MARCHF6: variants seen among roughly 807,000 people sequenced by gnomAD.
MARCHF6 encodes membrane associated ring-CH-type finger 6.
In MARCHF6, 31 loss-of-function variants were observed where a neutral mutation model predicts 133.7. That is an observed-to-expected ratio of 0.23 (90% CI 0.17 to 0.31). MARCHF6 has a LOEUF of 0.31. Ranked by LOEUF, MARCHF6 falls within the 10% of genes least tolerant of loss-of-function variation. MARCHF6 has a pLI of 1.00. For synonymous variants in MARCHF6, 395 were observed against 402.5 expected (o/e 0.98, Z 0.22); for missense variants, 723 against 1,121.6 (o/e 0.64, Z 5.08).
intron 17 of MARCHF6, among the ~76,000 whole-genome samples, chr5:10,407,793 A>G (rs1301737794): frequency 6.6e-6 from 1 of 152,176 alleles, no homozygotes; most frequent in Non-Finnish European, 1.5e-5. Flanking sequence ...GTCTCTACTA[A>G]AAATACAAAA....
Position 10,439,240 on chromosome 5 carries a change from A to C in MARCHF6, c.*5556A>C, listed in dbSNP as rs916121066. On this transcript the variant is annotated 3_prime_UTR_variant, in exon 26 of 26. Coordinates refer to ENST00000274140, the MANE Select transcript of MARCHF6 (RefSeq NM_005885.4). ...GGTCTTGAAAAAATGATGCTGGAAT[A>C]ATTGGGCATCAGATGCAAAATTAAA... 1.3e-5 allele frequency: 2 copies of C among 152,250 alleles called. No individual in the cohort carries two copies. Among genetic ancestry groups the C allele is most frequent in the African/African-American group, 4.8e-5 (2 of 41,462 alleles). 9.4% of individuals were successfully genotyped at this position (152,250 alleles called of 1,614,324 possible). A position where few individuals can be genotyped will look rare whatever the true frequency, so the allele number is the denominator to read the frequency against.
At chr5:10,400,726 T>C (rs1354010255) in intron 10 of MARCHF6, 58 bp from the exon 11 acceptor site, 1 of 1,219,952 alleles carries the variant, frequency 8.2e-7, no homozygotes, top group Non-Finnish European at 1.2e-6. Context: ...GGAATTGTAG[T>C]AGGAGTGTTC....
intron 1 of MARCHF6, among the ~76,000 whole-genome samples, chr5:10,365,227 T>A (rs1736069432): frequency 6.6e-6 from 1 of 152,226 alleles, no homozygotes; most frequent in African/African-American, 2.4e-5. Context: ...GGTGAATTTT[T>A]AATTTAGTAA....
At chr5:10,370,826 C>T (rs1009011738) in intron 1 of MARCHF6, among the ~76,000 whole-genome samples, 4 of 152,120 alleles carry the variant, frequency 2.6e-5, no homozygotes, top group African/African-American at 9.7e-5. Context: ...AGCTGCTGTA[C>T]TACCTGGTTA....
intron 4 of MARCHF6, among the ~76,000 whole-genome samples, chr5:10,384,375 C>G (rs964601964): frequency 2.6e-5 from 4 of 151,682 alleles, no homozygotes; most frequent in African/African-American, 9.7e-5. Context: ...TTTGCAGTAC[C>G]CATAGCCAAC....
intron 16 of MARCHF6, among the ~76,000 whole-genome samples, chr5:10,406,209 GA>G (rs1242855023): frequency 6.6e-6 from 1 of 152,152 alleles, no homozygotes; most frequent in Non-Finnish European, 1.5e-5. Flanking sequence ...ACTGGTCCCT[GA>G]TGCCAAAATG....
intron 16 of MARCHF6, among the ~76,000 whole-genome samples, chr5:10,406,578 C>T (rs970865240): frequency 2.6e-5 from 4 of 151,848 alleles, no homozygotes; most frequent in Non-Finnish European, 5.9e-5. Context: ...TTAGTAGATG[C>T]GGGGTTTCAC....
rs1740478544 is a variant in MARCHF6 at position 10,433,758 on chromosome 5, C to G, written c.*74C>G. 4.1e-6 allele frequency: 5 copies of G among 1,205,296 alleles called. No individual in the cohort carries two copies. The East Asian group carries it at 7.0e-5, about 17-fold the overall frequency. The allele number at this position is 1,205,296 out of a possible 1,614,324, so 74.7% of individuals were successfully genotyped here. The stretch of plus-strand genomic sequence containing the variant: ...TGGACTTCTCTCTTTGGAGATTTTT[C>G]CCAGTGATCTCTCAGCGTTGTTTTT... On this transcript the variant is annotated 3_prime_UTR_variant, in exon 26 of 26. Transcript: ENST00000274140.
At chr5:10,408,027 C>T (rs996746562) in intron 17 of MARCHF6, among the ~76,000 whole-genome samples, 2 of 146,936 alleles carry the variant, frequency 1.4e-5, no homozygotes, top group Admixed American at 1.4e-4. Context: ...ATCCTATATG[C>T]TCTTTAGGGA....
At chr5:10,400,699 C>G (rs183584948) in intron 10 of MARCHF6, 85 bp from the exon 11 acceptor site, 1 of 953,870 alleles carries the variant, frequency 1.0e-6, no homozygotes, top group South Asian at 1.3e-5. Flanking sequence ...CCAAGAAGCC[C>G]TAGTTCCTTT....
chr5:10,369,699 A>G (rs895229329), intron 1 of MARCHF6, among the ~76,000 whole-genome samples: 2 of 140,544 alleles, frequency 1.4e-5, no homozygotes, highest in Middle Eastern at 4.2e-3. Flanking sequence ...TTCTGTCCCT[A>G]TCATTCTGCT....
Position 10,400,861 on chromosome 5 carries a change from C to G in MARCHF6, c.972+19C>G. 6.4e-7 allele frequency: 1 copy of G among 1,568,350 alleles called. No homozygotes were observed. The highest frequency in any genetic ancestry group is 8.8e-7 in the Non-Finnish European group (1 of 1,139,022). ...AGAACACGTGAGTATAATACTTTTACAAAGTTACTTTCATTCATTACTCCC... is the reference window on the plus strand; with the variant it reads ...AGAACACGTGAGTATAATACTTTTAGAAAGTTACTTTCATTCATTACTCCC... On this transcript the variant is annotated intron_variant, in intron 11 of 25. Transcript: ENST00000274140.
intron 9 of MARCHF6, 34 bp from the exon 10 acceptor site, chr5:10,397,259 T>A (rs1273888328): frequency 6.8e-7 from 1 of 1,462,840 alleles, no homozygotes; most frequent in African/African-American, 1.4e-5. Context: ...TAAGTATGAA[T>A]TGAATATGCT....
chr5:10,418,651 G>A (rs1192452119), intron 22 of MARCHF6, among the ~76,000 whole-genome samples: 2 of 152,118 alleles, frequency 1.3e-5, no homozygotes, highest in African/African-American at 2.4e-5. Flanking sequence ...TATTTGGCCC[G>A]TATTTCCCTT....
chr5:10,405,418 A>G (rs1738825654), intron 15 of MARCHF6, 140 bp from the exon 16 acceptor site: 1 of 613,612 alleles, frequency 1.6e-6, no homozygotes, highest in African/African-American at 1.9e-5. Context: ...TACTTTCCTA[A>G]GAATACCATG....
chr5:10,402,224 T>C (rs1738584400), intron 12 of MARCHF6, 85 bp downstream of exon 12: 15 of 1,116,354 alleles, frequency 1.3e-5, no homozygotes, highest in Non-Finnish European at 1.3e-6. Flanking sequence ...TTGTCTATCC[T>C]TGTCCTCTTA....
chr5:10,389,701 C>T (rs1737704041), intron 5 of MARCHF6, among the ~76,000 whole-genome samples: 1 of 152,200 alleles, frequency 6.6e-6, no homozygotes, highest in Non-Finnish European at 1.5e-5. Context: ...TGCACCTGGC[C>T]AAGTGACAAA....
chr5:10,430,191 G>A (rs1405053656), intron 25 of MARCHF6, among the ~76,000 whole-genome samples, 163 bp downstream of exon 25: 1 of 151,898 alleles, frequency 6.6e-6, no homozygotes, highest in Non-Finnish European at 1.5e-5. Flanking sequence ...GAAGGAGAGT[G>A]GAATCAAGGA....
In MARCHF6 at chr5:10,433,953, T is replaced by C. The variant is rs1740487264; in HGVS notation, c.*269T>C. On this transcript the variant is annotated 3_prime_UTR_variant, in exon 26 of 26. Transcript: ENST00000274140. ...GATTAAACAGAATGTGCATTGTACA[T>C]CTTTAAACAAAATGTATATTAATTT... 16 of 381,972 alleles carry C rather than the reference T, an allele frequency of 4.2e-5. No individual in the cohort carries two copies. The South Asian group carries it at 5.1e-4, about 12-fold the overall frequency. 23.7% of individuals were successfully genotyped at this position (381,972 alleles called of 1,614,324 possible).
Sources: allele counts gnomAD v4.1 joint callset (sites outside exome capture counted in the v4.1 genomes callset), GRCh38; gene constraint gnomAD v4.1.1; transcripts MANE v1.5; gene names NCBI Gene and HGNC (gene_info 2026-07-23, HGNC 2026-07-21).